Variants in CACNB2 observed in about 807,000 individuals in gnomAD.
CACNB2 encodes the protein voltage-dependent L-type calcium channel subunit beta-2.
CACNB2 carries 42 observed loss-of-function variants against 73.3 expected under a neutral mutation model. That is an observed-to-expected ratio of 0.57 (90% confidence interval 0.45 to 0.74). The LOEUF is 0.74. Among genes scored for constraint, CACNB2 ranks in the 30% least tolerant of loss-of-function variants. The pLI is 0.00. For synonymous variants in CACNB2, 348 were observed against 310.3 expected (o/e 1.12, Z -1.28); for missense variants, 940 against 853.0 (o/e 1.10, Z -1.27).
chr10:18,255,581 G>A (rs1010582543), intron 2 of CACNB2, among the ~76,000 whole-genome samples: 1 of 152,174 alleles, frequency 6.6e-6, no homozygotes, highest in Non-Finnish European at 1.5e-5. Flanking sequence ...CTGGTGCCCA[G>A]CAGAGACACG....
At chr10:18,212,649 G>T (rs938876431) in intron 2 of CACNB2, among the ~76,000 whole-genome samples, 3 of 152,056 alleles carry the variant, frequency 2.0e-5, no homozygotes, top group African/African-American at 7.2e-5. Flanking sequence ...CTAATTTTAA[G>T]TTTTCTATTT....
At chr10:18,166,860 G>A (rs923895264) in intron 2 of CACNB2, among the ~76,000 whole-genome samples, 17 of 152,058 alleles carry the variant, frequency 1.1e-4, no homozygotes, top group African/African-American at 3.4e-4. Flanking sequence ...AATCCTGCAC[G>A]TTGTGCACGT....
chr10:18,535,759 C>T (rs947867294), intron 11 of CACNB2, among the ~76,000 whole-genome samples: 12 of 151,354 alleles, frequency 7.9e-5, no homozygotes, highest in South Asian at 2.1e-4. Flanking sequence ...GGCAACAGAG[C>T]GAGACTACAT....
chr10:18,232,068 A>G (rs1332155090), intron 2 of CACNB2, among the ~76,000 whole-genome samples: 3 of 152,228 alleles, frequency 2.0e-5, no homozygotes, highest in Non-Finnish European at 2.9e-5. Flanking sequence ...TTTATGTGAA[A>G]CATTCTTAGT....
At chr10:18,470,989 C>A (rs2048158760) in intron 3 of CACNB2, among the ~76,000 whole-genome samples, 1 of 152,062 alleles carries the variant, frequency 6.6e-6, no homozygotes. Context: ...AGTCCCACAG[C>A]CATCGATGTG....
At chr10:18,481,780 G>A (rs2048792486) in intron 3 of CACNB2, among the ~76,000 whole-genome samples, 1 of 152,154 alleles carries the variant, frequency 6.6e-6, no homozygotes, top group South Asian at 2.1e-4. Flanking sequence ...GGAGAGCTGA[G>A]AAGTTGTCTT....
At chr10:18,476,509 A>C (rs2048448790) in intron 3 of CACNB2, among the ~76,000 whole-genome samples, 2 of 151,964 alleles carry the variant, frequency 1.3e-5, no homozygotes, top group East Asian at 1.9e-4. Flanking sequence ...TGAAGTAGCG[A>C]CTCTCCATCA....
At chr10:18,343,384 G>A (rs1202515374) in intron 2 of CACNB2, among the ~76,000 whole-genome samples, 1 of 152,018 alleles carries the variant, frequency 6.6e-6, no homozygotes, top group African/African-American at 2.4e-5. Flanking sequence ...TTTGGATCCA[G>A]TCAGACTTGA....
At chr10:18,509,690 T>C (rs2050665967) in intron 6 of CACNB2, among the ~76,000 whole-genome samples, 1 of 151,974 alleles carries the variant, frequency 6.6e-6, no homozygotes, top group African/African-American at 2.4e-5. Context: ...CTTGGGAGGC[T>C]GAGGTAGGAG....
At chr10:18,263,804 A>G (rs1247440039) in intron 2 of CACNB2, among the ~76,000 whole-genome samples, 1 of 152,198 alleles carries the variant, frequency 6.6e-6, no homozygotes, top group Non-Finnish European at 1.5e-5. Flanking sequence ...AACTTCTCTG[A>G]GCAGTGGGCT....
rs1704484525 is a variant in CACNB2, at chr10:18,464,134, A to T, written c.334-34221A>T. 4.0e-5 allele frequency among the ~76,000 whole-genome samples: 6 copies of T among 149,804 alleles called. No individual in the cohort carries two copies. In the South Asian group the frequency reaches 1.0e-3, roughly 26 times the overall value. On this transcript the variant is annotated intron_variant, in intron 3 of 13. Transcript: ENST00000324631. ...CTCTGCTCTTGGCTTCTGAGACACCATGTTCTCTGGACATCTCTTGCCAGT... is the reference window on the plus strand; with the variant it reads ...CTCTGCTCTTGGCTTCTGAGACACCTTGTTCTCTGGACATCTCTTGCCAGT...
chr10:18,437,109 A>T (rs943588323), intron 3 of CACNB2, among the ~76,000 whole-genome samples: 1 of 152,232 alleles, frequency 6.6e-6, no homozygotes, highest in Non-Finnish European at 1.5e-5. Context: ...ACATGACGTC[A>T]CACTTGTAAA....
At chr10:18,192,525 A>ATG (rs778924695) in intron 2 of CACNB2, among the ~76,000 whole-genome samples, 22 of 152,048 alleles carry the variant, frequency 1.4e-4, no homozygotes, top group Non-Finnish European at 2.5e-4. Flanking sequence ...TTTAAAGTGG[A>ATG]CAATTCAGTG....
intron 2 of CACNB2, among the ~76,000 whole-genome samples, chr10:18,289,458 C>A (rs965138810): frequency 2.0e-5 from 3 of 146,674 alleles, no homozygotes; most frequent in Non-Finnish European, 4.6e-5. Context: ...CCACACCCAG[C>A]TAATTTTTTG....
chr10:18,272,720 G>T (rs921084360), intron 2 of CACNB2, among the ~76,000 whole-genome samples: 1 of 152,230 alleles, frequency 6.6e-6, no homozygotes, highest in African/African-American at 2.4e-5. Flanking sequence ...CGCCATGTAA[G>T]ATGTCCCTTT....
chr10:18,533,987 C>T (rs976888839), intron 10 of CACNB2, 89 bp from the exon 11 acceptor site: 3 of 1,237,092 alleles, frequency 2.4e-6, no homozygotes, highest in African/African-American at 3.0e-5. Flanking sequence ...AATGGCTGAC[C>T]TACTCACCTT....
intron 2 of CACNB2, among the ~76,000 whole-genome samples, chr10:18,222,213 C>T (rs573311557): frequency 8.5e-5 from 13 of 152,228 alleles, no homozygotes; most frequent in Non-Finnish European, 1.5e-4. Flanking sequence ...GACCACATGC[C>T]GAGGCAGAAC....
chr10:18,533,998 T>G, intron 10 of CACNB2, 78 bp from the exon 11 acceptor site: 1 of 1,403,520 alleles, frequency 7.1e-7, no homozygotes, highest in Non-Finnish European at 1.0e-6. Flanking sequence ...TACTCACCTT[T>G]CTGTTGAAGA....
chr10:18,324,363 A>T (rs1344100371), intron 2 of CACNB2, among the ~76,000 whole-genome samples: 1 of 152,208 alleles, frequency 6.6e-6, no homozygotes, highest in Non-Finnish European at 1.5e-5. Context: ...GGAGTTTGCC[A>T]GGAAGACAAA....
Sources: allele counts gnomAD v4.1 joint callset (sites outside exome capture counted in the v4.1 genomes callset), GRCh38; gene constraint gnomAD v4.1.1; transcripts MANE v1.5; gene names NCBI Gene and HGNC (gene_info 2026-07-23, HGNC 2026-07-21).